The following LANCL3 variants were observed in gnomAD, a reference collection of about 807,000 sequenced individuals.
LANCL3 encodes LanC like family member 3.
A neutral mutation model predicts 26.5 loss-of-function variants in LANCL3; 19 were observed. The observed-to-expected ratio is 0.72, with a 90% CI of 0.50 to 1.05. LANCL3 has a LOEUF of 1.05. Ranked by LOEUF, LANCL3 falls within the 50% of genes least tolerant of loss-of-function variation. LANCL3 has a pLI of 0.00. For synonymous variants in LANCL3, 160 were observed against 166.6 expected (o/e 0.96, Z 0.30); for missense variants, 318 against 362.7 (o/e 0.88, Z 1.00).
intron 1 of LANCL3, among the ~76,000 whole-genome samples, chrX:37,602,385 G>A (rs1256985369): frequency 9.0e-6 from 1 of 111,611 alleles, no homozygotes; most frequent in African/African-American, 3.3e-5. Context: ...AGAAAACTCT[G>A]TACCATTAAT....
chrX:37,631,062 C>T (rs1231844845), intron 1 of LANCL3, among the ~76,000 whole-genome samples: 1 of 111,779 alleles, frequency 8.9e-6, no homozygotes, highest in East Asian at 2.8e-4. Flanking sequence ...TAGAATTCGG[C>T]TGTGAATCCA....
chrX:37,586,196 GT>G (rs1424686230), intron 1 of LANCL3, among the ~76,000 whole-genome samples: 1 of 111,831 alleles, frequency 8.9e-6, no homozygotes, highest in Non-Finnish European at 1.9e-5. Context: ...CCCTTTGTGG[GT>G]AACCCGACCT....
At chrX:37,578,056 G>A (rs1346858186) in intron 1 of LANCL3, among the ~76,000 whole-genome samples, 1 of 112,201 alleles carries the variant, frequency 8.9e-6, no homozygotes, top group Non-Finnish European at 1.9e-5. Context: ...CGTTTTCTCT[G>A]CTATTCTCAG....
intron 1 of LANCL3, among the ~76,000 whole-genome samples, chrX:37,581,895 T>C (rs1202872003): frequency 9.0e-6 from 1 of 111,094 alleles, no homozygotes; most frequent in African/African-American, 3.3e-5. Flanking sequence ...ACTCGTCATT[T>C]ATATTAGGTA....
intron 1 of LANCL3, among the ~76,000 whole-genome samples, chrX:37,578,139 A>G (rs1556416611): frequency 1.8e-5 from 2 of 112,034 alleles, no homozygotes; most frequent in Admixed American, 1.9e-4. Context: ...CCCCTAACTG[A>G]AGTGGTGAGG....
At chrX:37,665,354 C>T (rs987532410) in intron 3 of LANCL3, among the ~76,000 whole-genome samples, 1 of 111,728 alleles carries the variant, frequency 9.0e-6, no homozygotes, top group East Asian at 2.8e-4. Flanking sequence ...CATGTCTTTG[C>T]CCTTGCTAAT....
rs1926263076 is a variant in LANCL3, at chrX:37,655,593, T to C, written c.574-95T>C. 8.6e-6 allele frequency: 6 copies of C among 698,478 alleles called. No individual in the cohort carries two copies. The East Asian group carries it at 1.1e-4, about 13-fold the overall frequency. 57.6% of individuals were successfully genotyped at this position (698,478 alleles called of 1,213,427 possible). On this transcript the variant is annotated intron_variant, in intron 1 of 4. Coordinates refer to ENST00000378619, the MANE Select transcript of LANCL3 (RefSeq NM_001170331.2). ...TATTTACATATAGTACAGGATTCTGTGGATATGATGCTAGACTTCTTAAGC... is the reference window on the plus strand; with the variant it reads ...TATTTACATATAGTACAGGATTCTGCGGATATGATGCTAGACTTCTTAAGC...
rs1215301859 is a variant in LANCL3 at position 37,571,686 on chromosome X, C to A, written c.-185C>A. 1.5e-5 allele frequency: 5 copies of A among 327,629 alleles called. No individual in the cohort carries two copies. Among genetic ancestry groups the A allele is most frequent in the Middle Eastern group, 7.7e-4 (1 of 1,300 alleles). The allele number at this position is 327,629 out of a possible 1,213,427, so 27.0% of individuals were successfully genotyped here. ...ACTCGGGAGCCTCGCGGCAGCCCGG[C>A]GCCCCACTTGGCCATCCGCTCCTTG... On this transcript the variant is annotated 5_prime_UTR_variant, in exon 1 of 5. Transcript: ENST00000378619.
intron 1 of LANCL3, among the ~76,000 whole-genome samples, chrX:37,616,834 G>A (rs1925024177): frequency 9.0e-6 from 1 of 111,489 alleles, no homozygotes; most frequent in Admixed American, 9.5e-5. Context: ...ATCATCTAGG[G>A]ACTTGTTTGA....
chrX:37,579,868 T>A (rs191756698), intron 1 of LANCL3, among the ~76,000 whole-genome samples: 185 of 111,709 alleles, frequency 1.7e-3, no homozygotes, highest in African/African-American at 5.8e-3. Flanking sequence ...CCAAAAATGT[T>A]CTACCAATTT....
chrX:37,581,000 A>G (rs1173752417), intron 1 of LANCL3, among the ~76,000 whole-genome samples: 2 of 111,956 alleles, frequency 1.8e-5, no homozygotes, highest in East Asian at 5.6e-4. Flanking sequence ...TGTGCATACA[A>G]ACCCCAGGGA....
At chrX:37,578,255 AG>A (rs782656594) in intron 1 of LANCL3, among the ~76,000 whole-genome samples, 2 of 112,123 alleles carry the variant, frequency 1.8e-5, no homozygotes, top group African/African-American at 3.2e-5. Flanking sequence ...CTTGGTCATT[AG>A]CCAGTTCTAG....
At chrX:37,616,641 G>C (rs1318259047) in intron 1 of LANCL3, among the ~76,000 whole-genome samples, 7 of 112,234 alleles carry the variant, frequency 6.2e-5, no homozygotes, top group Non-Finnish European at 1.3e-4. Context: ...CTAGGAACTT[G>C]AGGTAACAAG....
intron 1 of LANCL3, among the ~76,000 whole-genome samples, chrX:37,609,840 G>T (rs930573322): frequency 9.0e-6 from 1 of 111,670 alleles, no homozygotes; most frequent in Admixed American, 9.5e-5. Context: ...GGGGCATGCA[G>T]ATTGAGGGGA....
intron 2 of LANCL3, 92 bp downstream of exon 2, chrX:37,655,903 G>A: frequency 1.4e-6 from 1 of 729,113 alleles, no homozygotes; most frequent in Non-Finnish European, 2.0e-6. Flanking sequence ...TTTGCCATAG[G>A]TCATTACTAG....
intron 1 of LANCL3, among the ~76,000 whole-genome samples, chrX:37,604,088 G>C (rs1556420317): frequency 8.9e-6 from 1 of 112,578 alleles, no homozygotes; most frequent in African/African-American, 3.2e-5. Flanking sequence ...CAGCCTCCCT[G>C]AGCCATGTGA....
At position 37,587,496 on chromosome X, in the gene LANCL3, C is replaced by T. The variant is rs782330235; in HGVS notation, c.573+15053C>T. ...TTACCTCCTCAAGCCTTAGCAATGGCGGGCGCCCCTCCCCCAGCCTTGCTG... is the reference window on the plus strand; with the variant it reads ...TTACCTCCTCAAGCCTTAGCAATGGTGGGCGCCCCTCCCCCAGCCTTGCTG... On this transcript the variant is annotated intron_variant, in intron 1 of 4. Coordinates refer to ENST00000378619, the MANE Select transcript of LANCL3 (RefSeq NM_001170331.2). 1.6e-3 allele frequency among the ~76,000 whole-genome samples: 182 copies of T among 112,826 alleles called. 1 individual carries two copies. Among genetic ancestry groups the T allele is most frequent in the African/African-American group, 4.8e-3 (148 of 31,135 alleles).
At chrX:37,656,454 A>G (rs1209432275) in intron 2 of LANCL3, among the ~76,000 whole-genome samples, 17 of 111,538 alleles carry the variant, frequency 1.5e-4, no homozygotes, top group Admixed American at 1.0e-3. Flanking sequence ...CCTTTTGCCT[A>G]GAATGCCCTA....
At chrX:37,645,664 A>G (rs1925968110) in intron 1 of LANCL3, among the ~76,000 whole-genome samples, 1 of 111,913 alleles carries the variant, frequency 8.9e-6, no homozygotes. Context: ...GGGAACTTCT[A>G]TTGTTCCTTC....
Sources: gnomAD v4.1 joint callset for allele counts (sites outside exome capture counted in the v4.1 genomes callset) on GRCh38, gnomAD v4.1.1 for gene constraint, MANE v1.5 for transcripts, NCBI Gene and HGNC (gene_info 2026-07-23, HGNC 2026-07-21) for gene names.